The following NCAPD3 variants were observed in gnomAD, a reference collection of about 807,000 sequenced individuals.
The protein encoded by NCAPD3 is non-SMC condensin II complex subunit D3.
Under a neutral mutation model 182.9 loss-of-function variants are expected in NCAPD3, and 105 were observed. The ratio of observed to expected loss-of-function variants is 0.57; its 90% CI spans 0.49 to 0.68. NCAPD3 has a LOEUF of 0.68. Ranked by LOEUF, NCAPD3 falls within the 30% of genes least tolerant of loss-of-function variation. The pLI is 0.00. For synonymous variants in NCAPD3, 815 were observed against 679.9 expected, an observed-to-expected ratio of 1.20 and a Z score of -3.09; for missense variants, 1,944 against 1,837.0, an observed-to-expected ratio of 1.06 and a Z score of -1.07.
At position 134,223,514 on chromosome 11, in the gene NCAPD3, G is replaced by A. The variant is rs906409995; in HGVS notation, c.64+349C>T. Reference sequence around the variant, plus strand: ...ACATGAAGTTCAAGAAATAAGTCTGGCGGAAGAAAGAGATTTGCAATTTAA... The same window carrying A: ...ACATGAAGTTCAAGAAATAAGTCTGACGGAAGAAAGAGATTTGCAATTTAA... On this transcript the variant is annotated intron_variant, in intron 1 of 34. Transcript: ENST00000534548. 1.1e-5 allele frequency: 8 copies of A among 701,660 alleles called. No individual in the cohort carries two copies. In the Admixed American group the frequency reaches 1.2e-4, roughly 11 times the overall value. The allele number at this position is 701,660 out of a possible 1,614,324, so 43.5% of individuals were successfully genotyped here.
At chr11:134,195,614 G>A (rs1944612099) in intron 13 of NCAPD3, among the ~76,000 whole-genome samples, 1 of 152,018 alleles carries the variant, frequency 6.6e-6, no homozygotes, top group Non-Finnish European at 1.5e-5. Flanking sequence ...GGATGTGGTG[G>A]AATGTGCCTA....
intron 24 of NCAPD3, among the ~76,000 whole-genome samples, chr11:134,175,007 A>C (rs988389943): frequency 6.6e-5 from 10 of 152,226 alleles, no homozygotes; most frequent in Admixed American, 6.5e-4. Context: ...GGATGCGGAC[A>C]TAAAAGGGAT....
chr11:134,165,582 G>GCT, intron 27 of NCAPD3, among the ~76,000 whole-genome samples: 1 of 134,556 alleles, frequency 7.4e-6, no homozygotes, highest in South Asian at 2.5e-4. Flanking sequence ...TTGGGGGAGG[G>GCT]GCACACTAGT....
chr11:134,179,462 C>T (rs1428303743), intron 20 of NCAPD3, among the ~76,000 whole-genome samples: 5 of 152,192 alleles, frequency 3.3e-5, no homozygotes, highest in Non-Finnish European at 7.3e-5. Context: ...TAAGTATATG[C>T]CATTTCAAAA....
intron 3 of NCAPD3, among the ~76,000 whole-genome samples, chr11:134,214,870 T>C (rs545866536): frequency 5.7e-4 from 87 of 152,234 alleles, no homozygotes; most frequent in Non-Finnish European, 1.0e-3. Context: ...ACTTATTCTA[T>C]GAAAATGGTA....
chr11:134,207,168 A>G (rs1396081062), intron 7 of NCAPD3, among the ~76,000 whole-genome samples: 1 of 152,214 alleles, frequency 6.6e-6, no homozygotes, highest in Non-Finnish European at 1.5e-5. Flanking sequence ...CATAGTCACT[A>G]ATTAATTTAT....
In NCAPD3 at chr11:134,181,169, C is replaced by G. The variant is rs765670049; in HGVS notation, c.2467G>C (p.Val823Leu). 1 of 1,613,766 alleles carries G rather than the reference C, an allele frequency of 6.2e-7. No homozygotes were observed. Among genetic ancestry groups the G allele is most frequent in the South Asian group, 1.1e-5 (1 of 91,030 alleles). Reference sequence around the variant, plus strand: ...CAGGTGGAGAGTACATCCCCACACACCTGCGTCAGCAATTCCTACGGCAAG... The same window carrying G: ...CAGGTGGAGAGTACATCCCCACACAGCTGCGTCAGCAATTCCTACGGCAAG... Reference protein sequence around the residue: ...PAEEQELLTQVCGDVLSTCEH... With the variant: ...PAEEQELLTQLCGDVLSTCEH... The change falls in exon 20 of 35, where the codon GTG becomes CTG. Residue 823 changes from valine (V) to leucine (L), a missense_variant. By Grantham distance (32) the Val-to-Leu change is conservative. This residue lies in a region of NCAPD3 where 1,803 missense variants were observed against 1,674.6 expected (regional missense o/e 1.08). Coordinates refer to ENST00000534548, the MANE Select transcript of NCAPD3 (RefSeq NM_015261.3).
At chr11:134,191,957 G>T (rs1348157587) in intron 16 of NCAPD3, among the ~76,000 whole-genome samples, 1 of 152,198 alleles carries the variant, frequency 6.6e-6, no homozygotes, top group African/African-American at 2.4e-5. Context: ...ATGCGGTCAG[G>T]TGTGAGATTT....
rs556075045 is a variant in NCAPD3, at chr11:134,196,370, G to A, written c.1616-1632C>T. ...AAAGAAACTAAATTAGTGGCCAGGC[G>A]CGGTGGCTCACGCCTGTAATGCCAG... On this transcript the variant is annotated intron_variant, in intron 13 of 34. Transcript: ENST00000534548. Among the ~76,000 whole-genome samples the A allele has an allele frequency of 4.7e-3, 723 of 152,216 alleles. 5 individuals are homozygous for A. The highest frequency in any genetic ancestry group is 8.5e-3 in the Non-Finnish European group (576 of 67,998).
rs547316806 is a variant in NCAPD3 at position 134,185,278 on chromosome 11, G to C, written c.2237+57C>G. The C allele has an allele frequency of 1.1e-5, 16 of 1,442,532 alleles. No individual in the cohort carries two copies. The South Asian group carries it at 1.7e-4, about 15-fold the overall frequency. The allele number at this position is 1,442,532 out of a possible 1,614,324, so 89.4% of individuals were successfully genotyped here. A position where few individuals can be genotyped will look rare whatever the true frequency, so the allele number is the denominator to read the frequency against. On this transcript the variant is annotated intron_variant, in intron 17 of 34. Coordinates refer to ENST00000534548, the MANE Select transcript of NCAPD3 (RefSeq NM_015261.3). The stretch of plus-strand genomic sequence containing the variant: ...GAAAAAGCTCACTTCCTTAAGTCTT[G>C]GGCTTTGTTTCTAAGACTCTTCAGT...
At position 134,220,645 on chromosome 11, in the gene NCAPD3, G is replaced by A; in HGVS notation, c.146C>T (p.Thr49Ile). 1 of 1,613,972 alleles carries A rather than the reference G, an allele frequency of 6.2e-7. No homozygotes were observed. The highest frequency in any genetic ancestry group is 1.1e-5 in the South Asian group (1 of 91,086). ...DPSIEAEIIE[T>I]GLAAFTKLYE... is the part of the protein sequence containing the mutation. ...GAGTTTTGTGAATGCAGCCAATCCA[G>A]TCTCTATGATCTCTGCTTCTATGCT... Residue 49 changes from threonine (T) to isoleucine (I), a missense_variant, in exon 2 of 35, where the codon ACT (threonine) becomes ATT (isoleucine). Around this residue, in one of 3 missense-constraint regions of NCAPD3, gnomAD observed 131 missense variants for 133.9 expected, o/e 0.98. Coordinates refer to ENST00000534548, the MANE Select transcript of NCAPD3 (RefSeq NM_015261.3).
chr11:134,224,996 G>A (rs925489280), upstream of NCAPD3: 31 of 800,238 alleles, frequency 3.9e-5, no homozygotes, highest in East Asian at 1.1e-3. Context: ...CAGCGGCGGA[G>A]CCAGGCAGCC....
intron 24 of NCAPD3, among the ~76,000 whole-genome samples, chr11:134,174,749 A>C (rs918647399): frequency 6.6e-6 from 1 of 152,236 alleles, no homozygotes; most frequent in Non-Finnish European, 1.5e-5. Flanking sequence ...TCCTGACACA[A>C]AGAAATGATA....
At chr11:134,177,884 T>C (rs1944207926) in intron 22 of NCAPD3, 1 of 153,204 alleles carries the variant, frequency 6.5e-6, no homozygotes. Flanking sequence ...GCATGTCCCC[T>C]TTCTTTCTTT....
intron 2 of NCAPD3, among the ~76,000 whole-genome samples, chr11:134,218,408 T>C (rs969394526): frequency 1.3e-4 from 20 of 152,148 alleles, no homozygotes; most frequent in Non-Finnish European, 8.8e-5. Context: ...ATCACTGTGC[T>C]TCAACCCATA....
At position 134,152,893 on chromosome 11, in the gene NCAPD3, A is replaced by G. The variant is rs762360643; in HGVS notation, c.*51T>C. 1 of 1,401,312 alleles carries G rather than the reference A, an allele frequency of 7.1e-7. No homozygotes were observed. The highest frequency in any genetic ancestry group is 9.7e-7 in the Non-Finnish European group (1 of 1,029,810). 86.8% of individuals were successfully genotyped at this position (1,401,312 alleles called of 1,614,324 possible). ...GCTGCCTTCACACGGAGGACACGAG[A>G]CTGCTTCCTCAAGGGCTCCTGCCTG... On this transcript the variant is annotated 3_prime_UTR_variant, in exon 35 of 35. Transcript: ENST00000534548.
rs1943293933 is a variant in NCAPD3, at chr11:134,152,866, C to T, written c.*78G>A. The T allele has an allele frequency of 1.7e-6, 2 of 1,187,864 alleles. No individual in the cohort carries two copies. Among genetic ancestry groups the T allele is most frequent in the African/African-American group, 1.5e-5 (1 of 65,008 alleles). 73.6% of individuals were successfully genotyped at this position (1,187,864 alleles called of 1,614,324 possible). On this transcript the variant is annotated 3_prime_UTR_variant, in exon 35 of 35. Transcript: ENST00000534548. ...TGCCCAAGGACTGCGGGAAGTGATCCAGCTGCCTTCACACGGAGGACACGA... is the reference window on the plus strand; with the variant it reads ...TGCCCAAGGACTGCGGGAAGTGATCTAGCTGCCTTCACACGGAGGACACGA...
At chr11:134,190,845 C>T (rs983285053) in intron 16 of NCAPD3, among the ~76,000 whole-genome samples, 5 of 152,158 alleles carry the variant, frequency 3.3e-5, no homozygotes, top group Admixed American at 6.5e-5. Flanking sequence ...CTCAATATGG[C>T]TTTATTTTAC....
Position 134,184,651 on chromosome 11 carries a change from G to A in NCAPD3, c.2437C>T (p.Pro813Ser), listed in dbSNP as rs781574921. The A allele has an allele frequency of 1.7e-5, 27 of 1,610,820 alleles. No homozygotes were observed. Among genetic ancestry groups the A allele is most frequent in the Middle Eastern group, 3.4e-4 (2 of 5,906 alleles). The change falls in exon 19 of 35, where the codon CCA becomes TCA. Residue 813 changes from proline (P) to serine (S), a missense_variant. This residue lies in a region of NCAPD3 where 1,803 missense variants were observed against 1,674.6 expected (regional missense o/e 1.08). Coordinates refer to ENST00000534548, the MANE Select transcript of NCAPD3 (RefSeq NM_015261.3). ...TCTGGCCATACCTGCTCCTCTGCTG[G>A]TGTCTCTGCAGATGCTCTACAAAGC... The part of the protein sequence containing the change: ...QRLCRASAET[P>S]AEEQELLTQV...
Sources: gnomAD v4.1 joint callset for allele counts (sites outside exome capture counted in the v4.1 genomes callset) on GRCh38, gnomAD v4.1.1 for gene constraint, gnomAD v4.1.1 regional missense constraint, MANE v1.5 for transcripts, NCBI Gene and HGNC (gene_info 2026-07-23, HGNC 2026-07-21) for gene names.